Variants in MAST4 observed in about 807,000 individuals in gnomAD.
MAST4 encodes microtubule associated serine/threonine kinase family member 4, also known as microtubule-associated serine/threonine-protein kinase 4.
A neutral mutation model predicts 162.7 loss-of-function variants in MAST4; 89 were observed. The ratio of observed to expected loss-of-function variants is 0.55; its 90% CI spans 0.46 to 0.65. The LOEUF (loss-of-function observed/expected upper bound fraction) is 0.65. Among genes scored for constraint, MAST4 ranks in the 30% least tolerant of loss-of-function variants. The probability of loss-of-function intolerance (pLI) is 0.00; values close to 1 mark genes in which losing one functional copy is unlikely to be tolerated. For missense variants in MAST4, 3,153 were observed against 3,374.0 expected (o/e 0.93, Z 1.62); for synonymous variants, 1,479 against 1,361.1 (o/e 1.09, Z -1.91).
At chr5:67,029,615 AAG>A (rs1373829392) in intron 4 of MAST4, among the ~76,000 whole-genome samples, 1 of 152,158 alleles carries the variant, frequency 6.6e-6, no homozygotes, top group Non-Finnish European at 1.5e-5. Flanking sequence ...ATTCTATGGC[AAG>A]GTGATGGTGT....
intron 1 of MAST4, among the ~76,000 whole-genome samples, chr5:66,710,765 A>C (rs555431805): frequency 6.6e-6 from 1 of 152,200 alleles, no homozygotes; most frequent in Non-Finnish European, 1.5e-5. Context: ...AAGCTCTGGC[A>C]TTGCTCCCAG....
At chr5:66,653,441 A>C (rs1746354390) in intron 1 of MAST4, among the ~76,000 whole-genome samples, 2 of 152,024 alleles carry the variant, frequency 1.3e-5, no homozygotes, top group South Asian at 2.1e-4. Context: ...CAGCCCCCTC[A>C]CAGTGCCAGC....
At chr5:67,021,489 T>C (rs250278) in intron 4 of MAST4, among the ~76,000 whole-genome samples, 26,058 of 152,202 alleles carry the variant, frequency 0.17, 2,300 homozygotes, top group South Asian at 0.26. Context: ...GCAAATACCA[T>C]ATTTAGCAAG....
In MAST4 at chr5:67,159,642, A is replaced by C. The variant is rs535610490; in HGVS notation, c.3649-814A>C. Among the ~76,000 whole-genome samples, 7 of 152,322 alleles carry C rather than the reference A, an allele frequency of 4.6e-5. No homozygotes were observed. The East Asian group carries it at 1.4e-3, about 29-fold the overall frequency. Reference sequence around the variant, plus strand: ...TTCTCCCCTGGTTATTATGAAATTCAGGAAGGGTAATTGATGCCAGGGACT... The same window carrying C: ...TTCTCCCCTGGTTATTATGAAATTCCGGAAGGGTAATTGATGCCAGGGACT... On this transcript the variant is annotated intron_variant, in intron 26 of 28. Transcript: ENST00000403625.
At position 67,167,201 on chromosome 5, in the gene MAST4, G is replaced by A; in HGVS notation, c.*150G>A. 2.0e-6 allele frequency: 1 copy of A among 498,282 alleles called. No homozygotes were observed. Among genetic ancestry groups the A allele is most frequent in the East Asian group, 3.6e-5 (1 of 28,054 alleles). The allele number at this position is 498,282 out of a possible 1,614,324, so 30.9% of individuals were successfully genotyped here. ...CAGGGGAGAGAGAAAGACAAAGAGG[G>A]GACCTTCTTCCAGATGCCTTCCCAG... On this transcript the variant is annotated 3_prime_UTR_variant, in exon 29 of 29. Transcript: ENST00000403625.
At position 67,164,502 on chromosome 5, in the gene MAST4, G is replaced by T. The variant is rs1468431655; in HGVS notation, c.5323G>T (p.Val1775Phe). The T allele has an allele frequency of 1.9e-6, 3 of 1,613,878 alleles. No homozygotes were observed. The African/African-American group carries it at 4.0e-5, about 22-fold the overall frequency. Reference sequence around the variant, plus strand: ...CAGTGGAACGGAGAAGCCTGGCTTGGTTGCTCCTGAGTCCCCTGTTAGGAA... The same window carrying T: ...CAGTGGAACGGAGAAGCCTGGCTTGTTTGCTCCTGAGTCCCCTGTTAGGAA... Reference protein sequence around the residue: ...VDSGTEKPGLVAPESPVRKSP... With the variant: ...VDSGTEKPGLFAPESPVRKSP... Residue 1775 changes from valine (V) to phenylalanine (F), a missense_variant, in exon 29 of 29, where the codon GTT (valine) becomes TTT (phenylalanine). Coordinates refer to ENST00000403625, the MANE Select transcript of MAST4 (RefSeq NM_001164664.2). This position sits in a 1 kb window ranked among gnomAD's most constrained non-coding sequence, Gnocchi z 5.3.
At chr5:66,889,494 A>G (rs1762241896) in intron 3 of MAST4, among the ~76,000 whole-genome samples, 1 of 152,192 alleles carries the variant, frequency 6.6e-6, no homozygotes, top group Non-Finnish European at 1.5e-5. Context: ...CCTTCTGCTA[A>G]AGTAATTTTC....
chr5:66,752,737 A>G (rs1207934353), intron 1 of MAST4, among the ~76,000 whole-genome samples: 4 of 148,042 alleles, frequency 2.7e-5, no homozygotes, highest in Non-Finnish European at 6.0e-5. Flanking sequence ...ACAGATCAAC[A>G]AGACAGAAAG....
chr5:67,077,140 A>G (rs1191589196), intron 5 of MAST4, among the ~76,000 whole-genome samples: 1 of 152,218 alleles, frequency 6.6e-6, no homozygotes, highest in Non-Finnish European at 1.5e-5. Flanking sequence ...AAAGCTCCCC[A>G]GAGATTTTGA....
intron 8 of MAST4, among the ~76,000 whole-genome samples, chr5:67,101,684 G>C (rs545129736): frequency 1.3e-5 from 2 of 152,130 alleles, no homozygotes; most frequent in South Asian, 4.2e-4. Context: ...TCTTTACTTA[G>C]TCTCATAAAC....
intron 3 of MAST4, among the ~76,000 whole-genome samples, chr5:66,896,201 T>G (rs537155880): frequency 6.6e-6 from 1 of 152,268 alleles, no homozygotes; most frequent in South Asian, 2.1e-4. Flanking sequence ...GGGTCAGATG[T>G]TTTTAGAAGG....
chr5:67,140,081 T>G (rs1360830305), intron 19 of MAST4, among the ~76,000 whole-genome samples: 1 of 152,186 alleles, frequency 6.6e-6, no homozygotes, highest in African/African-American at 2.4e-5. Flanking sequence ...AGAAACTGCT[T>G]TTCTGATAAA....
intron 3 of MAST4, chr5:66,870,805 A>G (rs1398530413): frequency 4.2e-6 from 2 of 471,436 alleles, no homozygotes; most frequent in African/African-American, 2.0e-5. Context: ...GAGCCATTTC[A>G]ACTCAGCCCG....
intron 4 of MAST4, among the ~76,000 whole-genome samples, chr5:66,989,710 T>A (rs1749872603): frequency 1.3e-5 from 2 of 152,004 alleles, no homozygotes; most frequent in South Asian, 2.1e-4. Flanking sequence ...CTAAGCAAAA[T>A]TTTTTTTCAA....
At chr5:66,813,781 A>G (rs529852867) in intron 3 of MAST4, among the ~76,000 whole-genome samples, 99 of 152,358 alleles carry the variant, frequency 6.5e-4, no homozygotes, top group Non-Finnish European at 9.6e-4. Context: ...ACAGCTTGAA[A>G]CAGAAAAATG....
intron 4 of MAST4, among the ~76,000 whole-genome samples, chr5:66,957,764 C>T (rs1745496537): frequency 6.6e-6 from 1 of 152,164 alleles, no homozygotes; most frequent in Non-Finnish European, 1.5e-5. Flanking sequence ...ACAGGTAGCC[C>T]TCCAGAAGGG....
chr5:66,661,310 T>C (rs75789076), intron 1 of MAST4, among the ~76,000 whole-genome samples: 1 of 152,134 alleles, frequency 6.6e-6, no homozygotes, highest in African/African-American at 2.4e-5. Flanking sequence ...TTCAGATGAT[T>C]GCTCCAATTC....
At chr5:66,687,557 C>T (rs940340313) in intron 1 of MAST4, among the ~76,000 whole-genome samples, 3 of 150,744 alleles carry the variant, frequency 2.0e-5, no homozygotes, top group Admixed American at 1.3e-4. Context: ...CATATATACA[C>T]ATGCATATAT....
At chr5:66,850,534 T>C (rs1009918413) in intron 3 of MAST4, among the ~76,000 whole-genome samples, 1 of 152,138 alleles carries the variant, frequency 6.6e-6, no homozygotes, top group Non-Finnish European at 1.5e-5. Flanking sequence ...ATGCTACAAG[T>C]GGAAAATTCC....
Sources: gnomAD v4.1 joint callset for allele counts (sites outside exome capture counted in the v4.1 genomes callset) on GRCh38, gnomAD v4.1.1 for gene constraint, Gnocchi (gnomAD v3.1) non-coding constraint, MANE v1.5 for transcripts, NCBI Gene and HGNC (gene_info 2026-07-23, HGNC 2026-07-21) for gene names.